NDUFS4: variants seen among roughly 807,000 people sequenced by gnomAD.
The protein encoded by NDUFS4 is NADH dehydrogenase [ubiquinone] iron-sulfur protein 4, mitochondrial.
Under a neutral mutation model 24.3 loss-of-function variants are expected in NDUFS4, and 28 were observed. The ratio of observed to expected loss-of-function variants is 1.15; its 90% CI spans 0.85 to 1.58. The LOEUF (loss-of-function observed/expected upper bound fraction) is 1.58. Ranked by LOEUF, NDUFS4 falls within the 40% of genes most tolerant of loss-of-function variation. The pLI, the probability that NDUFS4 is intolerant of heterozygous loss-of-function variation, is 0.00. For synonymous variants in NDUFS4, 93 were observed against 69.7 expected, an observed-to-expected ratio of 1.34 and a Z score of -1.67; for missense variants, 223 against 207.9, an observed-to-expected ratio of 1.07 and a Z score of -0.45.
rs1383647517 is a variant in NDUFS4, at chr5:53,582,925, G to A, written c.99-20527G>A. Among the ~76,000 whole-genome samples the A allele has an allele frequency of 2.6e-5, 4 of 151,934 alleles. 1 individual carries two copies. The South Asian group carries it at 6.3e-4, about 24-fold the overall frequency. ...GTATAGCATATATTTTTTTTGAGTC[G>A]GAGTCTCGCTCTGTCACCCAGGTTG... is the stretch of plus-strand genomic sequence containing the variant. On this transcript the variant is annotated intron_variant, in intron 1 of 4. Coordinates refer to ENST00000296684, the MANE Select transcript of NDUFS4 (RefSeq NM_002495.4).
chr5:53,631,318 C>A (rs111658038), intron 2 of NDUFS4, among the ~76,000 whole-genome samples: 1 of 152,146 alleles, frequency 6.6e-6, no homozygotes, highest in Non-Finnish European at 1.5e-5. Context: ...AGGTGTCTGT[C>A]GGCCCCTACT....
chr5:53,601,391 A>T (rs1452476265), intron 1 of NDUFS4, among the ~76,000 whole-genome samples: 2 of 152,190 alleles, frequency 1.3e-5, no homozygotes, highest in Non-Finnish European at 1.5e-5. Context: ...CTATCCTTAA[A>T]GTAAATTATA....
rs1374372283 is a variant in NDUFS4, at chr5:53,591,432, A to G, written c.99-12020A>G. On this transcript the variant is annotated intron_variant, in intron 1 of 4. Coordinates refer to ENST00000296684, the MANE Select transcript of NDUFS4 (RefSeq NM_002495.4). Reference sequence around the variant, plus strand: ...GTTCCATTTTCTTCACATCCTTGCCAGTACTTGCTACTTTTTGTTTGTTTT... The same window carrying G: ...GTTCCATTTTCTTCACATCCTTGCCGGTACTTGCTACTTTTTGTTTGTTTT... Among the ~76,000 whole-genome samples, 4 of 117,596 alleles carry G rather than the reference A, an allele frequency of 3.4e-5. No individual in the cohort carries two copies. The South Asian group carries it at 9.8e-4, about 29-fold the overall frequency. The allele number at this position is 117,596 out of a possible 152,430, so 77.1% of individuals were successfully genotyped here.
rs945194066 is a variant in NDUFS4, at chr5:53,629,707, C to CT, written c.178-16517dup. 2.6e-3 allele frequency among the ~76,000 whole-genome samples: 400 copies of CT among 151,488 alleles called. 2 individuals carry two copies. Among genetic ancestry groups the CT allele is most frequent in the African/African-American group, 9.3e-3 (384 of 41,304 alleles). On this transcript the variant is annotated intron_variant, in intron 2 of 4. Coordinates refer to ENST00000296684, the MANE Select transcript of NDUFS4 (RefSeq NM_002495.4). ...TCAGAGACTAGGATTGTAACCCCTC[C>CT]TTTTTTTTTCTTTCCATTTGTTTGG...
chr5:53,639,082 ACT>A (rs138198796), intron 2 of NDUFS4, among the ~76,000 whole-genome samples: 3,192 of 151,784 alleles, frequency 0.021, 121 homozygotes, highest in African/African-American at 0.072. Flanking sequence ...GAATTAATTT[ACT>A]CTCTTTTTTC....
intron 4 of NDUFS4, among the ~76,000 whole-genome samples, chr5:53,674,734 TGTC>T (rs367921466): frequency 9.8e-4 from 149 of 152,290 alleles, no homozygotes; most frequent in African/African-American, 3.5e-3. Context: ...GAAATAAAAT[TGTC>T]AATAATGAAT....
At chr5:53,645,002 A>G (rs1376318206) in intron 2 of NDUFS4, among the ~76,000 whole-genome samples, 18 of 152,078 alleles carry the variant, frequency 1.2e-4, no homozygotes, top group Admixed American at 1.2e-3. Flanking sequence ...CTTGCCAGTT[A>G]TTTGGTTCAT....
At chr5:53,667,798 C>A (rs1752563740) in intron 4 of NDUFS4, among the ~76,000 whole-genome samples, 1 of 152,160 alleles carries the variant, frequency 6.6e-6, no homozygotes, top group Non-Finnish European at 1.5e-5. Flanking sequence ...AGAACTTGAA[C>A]AAGTCATGCT....
chr5:53,673,499 G>T (rs1740352575), intron 4 of NDUFS4, among the ~76,000 whole-genome samples: 1 of 152,062 alleles, frequency 6.6e-6, no homozygotes, highest in African/African-American at 2.4e-5. Flanking sequence ...ATGATATGTG[G>T]CCACTCATTG....
At chr5:53,608,834 A>AGG (rs141088647) in intron 2 of NDUFS4, among the ~76,000 whole-genome samples, 38,952 of 151,854 alleles carry the variant, frequency 0.26, 6,589 homozygotes, top group African/African-American at 0.47. Context: ...TCAAAATAAA[A>AGG]CAAAGATTCA....
intron 2 of NDUFS4, among the ~76,000 whole-genome samples, chr5:53,640,836 C>A (rs1307676789): frequency 6.6e-6 from 1 of 152,054 alleles, no homozygotes; most frequent in Admixed American, 6.6e-5. Flanking sequence ...TTATGGATCT[C>A]CAGTTTCCCA....
chr5:53,676,845 A>G (rs760915749), intron 4 of NDUFS4, among the ~76,000 whole-genome samples: 4 of 151,292 alleles, frequency 2.6e-5, no homozygotes, highest in South Asian at 2.1e-4. Context: ...TTCATGAAAG[A>G]TTTTTTTTTT....
intron 1 of NDUFS4, among the ~76,000 whole-genome samples, chr5:53,596,121 C>T (rs1361187567): frequency 6.6e-6 from 1 of 152,020 alleles, no homozygotes; most frequent in African/African-American, 2.4e-5. Flanking sequence ...CTCAGTCTGT[C>T]TTTCCAGAAT....
intron 4 of NDUFS4, among the ~76,000 whole-genome samples, chr5:53,659,240 G>A (rs1260047552): frequency 6.6e-6 from 1 of 152,052 alleles, no homozygotes; most frequent in African/African-American, 2.4e-5. Context: ...TGTTGATCTT[G>A]CTATCAACAA....
chr5:53,580,907 C>T (rs1028199342), intron 1 of NDUFS4, among the ~76,000 whole-genome samples: 1 of 151,914 alleles, frequency 6.6e-6, no homozygotes, highest in Admixed American at 6.6e-5. Context: ...AGTCTTGGCT[C>T]ACGGCAACCT....
chr5:53,624,868 T>G (rs540539200), intron 2 of NDUFS4, among the ~76,000 whole-genome samples: 6 of 152,338 alleles, frequency 3.9e-5, no homozygotes, highest in African/African-American at 1.4e-4. Context: ...TGAATAGAAT[T>G]AGTAAAAGTG....
chr5:53,664,712 T>G (rs907588648), intron 4 of NDUFS4, among the ~76,000 whole-genome samples: 2 of 152,216 alleles, frequency 1.3e-5, no homozygotes, highest in African/African-American at 4.8e-5. Flanking sequence ...CTGCATTGGT[T>G]ATTCTAGTTA....
At chr5:53,617,249 C>T (rs191619337) in intron 2 of NDUFS4, among the ~76,000 whole-genome samples, 13 of 152,260 alleles carry the variant, frequency 8.5e-5, no homozygotes, top group Admixed American at 7.8e-4. Flanking sequence ...ACTGCACTTC[C>T]TCTTGTTCTG....
intron 1 of NDUFS4, among the ~76,000 whole-genome samples, chr5:53,591,463 G>A (rs796706030): frequency 2.2e-5 from 1 of 45,144 alleles, no homozygotes; most frequent in African/African-American, 6.8e-5. Context: ...GTTTTTTTTG[G>A]GGGGGGGGGG....
Sources: allele counts gnomAD v4.1 joint callset (sites outside exome capture counted in the v4.1 genomes callset), GRCh38; gene constraint gnomAD v4.1.1; transcripts MANE v1.5; gene names NCBI Gene and HGNC (gene_info 2026-07-23, HGNC 2026-07-21).